Variants in SKAP2 observed in about 807,000 individuals in gnomAD.
SKAP2 encodes the protein src kinase associated phosphoprotein 2.
SKAP2 carries 28 observed loss-of-function variants against 54.9 expected under a neutral mutation model. The ratio of observed to expected loss-of-function variants is 0.51; its 90% CI spans 0.38 to 0.70. The LOEUF (loss-of-function observed/expected upper bound fraction) is 0.70, where lower values mean the gene tolerates loss of function less well. SKAP2 is among the 30% of genes least tolerant of loss of function. The probability of loss-of-function intolerance (pLI) is 0.00; values close to 1 mark genes in which losing one functional copy is unlikely to be tolerated. For synonymous variants in SKAP2, 137 were observed against 134.3 expected, an observed-to-expected ratio of 1.02 and a Z score of -0.14; for missense variants, 356 against 424.1, an observed-to-expected ratio of 0.84 and a Z score of 1.41.
intron 4 of SKAP2, among the ~76,000 whole-genome samples, chr7:26,807,264 G>T (rs934414796): frequency 6.6e-6 from 1 of 152,184 alleles, no homozygotes; most frequent in Non-Finnish European, 1.5e-5. Context: ...GTTTGGCTCT[G>T]TGTCTCCACC....
intron 4 of SKAP2, among the ~76,000 whole-genome samples, chr7:26,812,949 T>C (rs1016566464): frequency 1.2e-4 from 19 of 152,160 alleles, no homozygotes; most frequent in Admixed American, 7.2e-4. Flanking sequence ...ACTGTTGAGT[T>C]ATAAATACCT....
chr7:26,733,905 G>A (rs1787871284), intron 6 of SKAP2, among the ~76,000 whole-genome samples: 1 of 152,180 alleles, frequency 6.6e-6, no homozygotes, highest in South Asian at 2.1e-4. Context: ...CAAAAGCCCT[G>A]AGAGGAGGTA....
chr7:26,852,732 G>A (rs1397900583), intron 3 of SKAP2, among the ~76,000 whole-genome samples: 1 of 152,068 alleles, frequency 6.6e-6, no homozygotes, highest in African/African-American at 2.4e-5. Flanking sequence ...TGATCCATAT[G>A]CAATTACACA....
chr7:26,761,027 A>C (rs6973237), intron 4 of SKAP2, among the ~76,000 whole-genome samples: 57,945 of 152,054 alleles, frequency 0.38, 11,639 homozygotes, highest in Middle Eastern at 0.48. Flanking sequence ...AAGAGGTAGT[A>C]TGGGCAGAAG....
chr7:26,857,347 A>T (rs944268187), intron 1 of SKAP2: 3 of 298,652 alleles, frequency 1.0e-5, no homozygotes, highest in Non-Finnish European at 1.5e-5. Flanking sequence ...TTTAAACTGG[A>T]AGCAGTTCCC....
chr7:26,737,240 A>C (rs1369654459), intron 6 of SKAP2, among the ~76,000 whole-genome samples: 1 of 152,206 alleles, frequency 6.6e-6, no homozygotes, highest in Non-Finnish European at 1.5e-5. Context: ...ATACAAAACT[A>C]TATTTCTATG....
At chr7:26,658,520 GATTT>G in the SKAP2 span, among the ~76,000 whole-genome samples, 1 of 151,818 alleles carries the variant, frequency 6.6e-6, no homozygotes, top group Non-Finnish European at 1.5e-5. Context: ...GCATTTTTCA[GATTT>G]TTTTTTTAAT....
intron 9 of SKAP2, among the ~76,000 whole-genome samples, chr7:26,717,087 A>G (rs1158943896): frequency 6.6e-6 from 1 of 152,138 alleles, no homozygotes; most frequent in Non-Finnish European, 1.5e-5. Flanking sequence ...TTCCTTCCAG[A>G]GCCCCTTCTC....
At chr7:26,662,574 C>A (rs1214628339), downstream of SKAP2, among the ~76,000 whole-genome samples, 1 of 152,068 alleles carries the variant, frequency 6.6e-6, no homozygotes, top group Non-Finnish European at 1.5e-5. Flanking sequence ...GTTTGAAATA[C>A]CCCTTGCACA....
intron 1 of SKAP2, among the ~76,000 whole-genome samples, chr7:26,860,737 C>A (rs10486485): frequency 0.23 from 31,633 of 139,864 alleles, 3,370 homozygotes; most frequent in Non-Finnish European, 0.25. Flanking sequence ...AAAATTCTGC[C>A]TCTATTTCAA....
Position 26,853,274 on chromosome 7 carries a change from C to A in SKAP2, c.199+863G>T, listed in dbSNP as rs564189271. 3.5e-3 allele frequency among the ~76,000 whole-genome samples: 530 copies of A among 152,206 alleles called. 6 individuals are homozygous for A. Among genetic ancestry groups the A allele is most frequent in the African/African-American group, 0.012 (512 of 41,536 alleles). On this transcript the variant is annotated intron_variant, in intron 3 of 12. Coordinates refer to ENST00000345317, the MANE Select transcript of SKAP2 (RefSeq NM_003930.5). ...TCTGCTAGCTTCAGTTAGAAGATGC[C>A]ATACTGTGTGTCTTCCTCAAACCCA...
intron 9 of SKAP2, among the ~76,000 whole-genome samples, chr7:26,718,732 T>C (rs1056093384): frequency 1.2e-4 from 18 of 152,228 alleles, no homozygotes; most frequent in African/African-American, 3.9e-4. Context: ...TGTCAATCTC[T>C]TGACCTTGTG....
chr7:26,840,623 T>G (rs529137205), intron 4 of SKAP2, among the ~76,000 whole-genome samples: 1 of 152,114 alleles, frequency 6.6e-6, no homozygotes, highest in African/African-American at 2.4e-5. Context: ...ATACTGAAAC[T>G]CCAATATATC....
chr7:26,770,997 TCTTA>T (rs1783178065), intron 4 of SKAP2, among the ~76,000 whole-genome samples: 3 of 152,218 alleles, frequency 2.0e-5, no homozygotes, highest in East Asian at 1.9e-4. Flanking sequence ...TTTAGATAAG[TCTTA>T]CTTAATAATA....
At chr7:26,745,602 C>T (rs938834791) in intron 4 of SKAP2, among the ~76,000 whole-genome samples, 7 of 152,162 alleles carry the variant, frequency 4.6e-5, no homozygotes, top group East Asian at 3.9e-4. Context: ...GCAGCCTCTG[C>T]CTTCTGGGCT....
chr7:26,769,926 G>A (rs939608345), intron 4 of SKAP2, among the ~76,000 whole-genome samples: 1 of 152,162 alleles, frequency 6.6e-6, no homozygotes, highest in Non-Finnish European at 1.5e-5. Context: ...AGGAGGCACA[G>A]GGTCAGAGAC....
chr7:26,728,585 T>C (rs1267867174), intron 6 of SKAP2, among the ~76,000 whole-genome samples: 1 of 152,106 alleles, frequency 6.6e-6, no homozygotes, highest in East Asian at 1.9e-4. Flanking sequence ...AATCATTCAC[T>C]CACTCATTTG....
chr7:26,742,045 G>A (rs1782466716), intron 4 of SKAP2, among the ~76,000 whole-genome samples: 1 of 151,918 alleles, frequency 6.6e-6, no homozygotes, highest in Admixed American at 6.6e-5. Flanking sequence ...TTTAATAGCT[G>A]TTCAATAAAT....
intron 4 of SKAP2, among the ~76,000 whole-genome samples, chr7:26,808,673 G>C (rs1290003931): frequency 6.6e-6 from 1 of 152,126 alleles, no homozygotes; most frequent in African/African-American, 2.4e-5. Flanking sequence ...ACAAGCCTTG[G>C]AATAAGATGG....
Sources: allele counts gnomAD v4.1 joint callset (sites outside exome capture counted in the v4.1 genomes callset), GRCh38; gene constraint gnomAD v4.1.1; transcripts MANE v1.5; gene names NCBI Gene and HGNC (gene_info 2026-07-23, HGNC 2026-07-21).